CELF2: variants seen among roughly 807,000 people sequenced by gnomAD.
CELF2 encodes the protein CUGBP Elav-like family member 2.
A neutral mutation model predicts 62.6 loss-of-function variants in CELF2; 8 were observed. The ratio of observed to expected loss-of-function variants is 0.13; its 90% CI spans 0.07 to 0.23. The LOEUF is 0.23. Among genes scored for constraint, CELF2 ranks in the 10% least tolerant of loss-of-function variants. CELF2 has a pLI of 1.00. For synonymous variants in CELF2, 258 were observed against 250.0 expected, an observed-to-expected ratio of 1.03 and a Z score of -0.30; for missense variants, 333 against 671.0, an observed-to-expected ratio of 0.50 and a Z score of 5.56.
chr10:10,544,365 A>G, the CELF2 span, among the ~76,000 whole-genome samples: 1 of 152,240 alleles, frequency 6.6e-6, no homozygotes, highest in Admixed American at 6.5e-5. Context: ...ACCACCCGGC[A>G]AGGGTAAGAG....
intron 8 of CELF2, among the ~76,000 whole-genome samples, chr10:11,287,776 G>A (rs1056176346): frequency 1.3e-5 from 2 of 152,190 alleles, no homozygotes; most frequent in African/African-American, 2.4e-5. Context: ...AGCTCTTAAC[G>A]TTGTGCCAAA....
At chr10:11,225,071 G>T (rs1189027103) in intron 3 of CELF2, among the ~76,000 whole-genome samples, 1 of 152,120 alleles carries the variant, frequency 6.6e-6, no homozygotes, top group Non-Finnish European at 1.5e-5. Context: ...CAGGTGCCTG[G>T]GAAGTCTCAT....
rs1396636809 is a variant in CELF2, at chr10:11,227,431, A to G, written c.354+9924A>G. Among the ~76,000 whole-genome samples the G allele has an allele frequency of 6.6e-6, 1 of 152,206 alleles. No individual in the cohort carries two copies. Among genetic ancestry groups the G allele is most frequent in the African/African-American group, 2.4e-5 (1 of 41,450 alleles). On this transcript the variant is annotated intron_variant, in intron 3 of 12. Coordinates refer to ENST00000633077, the MANE Select transcript of CELF2 (RefSeq NM_001326342.2). This position sits in a 1 kb window ranked among gnomAD's most constrained non-coding sequence, Gnocchi z 4.8. ...ATGAGACAGCGCTGCTGCTCTCCGC[A>G]TCACAGCAAAGTCAAGGCAAAGGAG...
intron 4 of CELF2, among the ~76,000 whole-genome samples, chr10:11,253,472 G>A (rs886478755): frequency 6.6e-6 from 1 of 152,174 alleles, no homozygotes; most frequent in Non-Finnish European, 1.5e-5. Context: ...TCTGATTCAC[G>A]GGAAGATGAA....
the CELF2 span, among the ~76,000 whole-genome samples, chr10:10,620,730 CT>C: frequency 1.4e-5 from 2 of 140,484 alleles, no homozygotes; most frequent in African/African-American, 2.7e-5. Flanking sequence ...GTGAAACCCC[CT>C]CTCTACTAAA....
the CELF2 span, among the ~76,000 whole-genome samples, chr10:10,581,001 G>A: frequency 6.6e-6 from 1 of 152,118 alleles, no homozygotes; most frequent in African/African-American, 2.4e-5. Context: ...GATCTATTTG[G>A]ATCACAATTC....
rs191004531 is a variant in CELF2 at position 10,923,597 on chromosome 10, A to G, written c.89+3598A>G. Among the ~76,000 whole-genome samples, 204 of 152,342 alleles carry G rather than the reference A, an allele frequency of 1.3e-3. 1 individual carries two copies. The highest frequency in any genetic ancestry group is 3.5e-3 in the East Asian group (18 of 5,192). Reference sequence around the variant, plus strand: ...TGTTTTTCATTGCTAATGATAACCTAAATGTGTTTTTGAATTCTTGCCATT... The same window carrying G: ...TGTTTTTCATTGCTAATGATAACCTGAATGTGTTTTTGAATTCTTGCCATT... On this transcript the variant is annotated intron_variant, in intron 2 of 13. Transcript: ENST00000636488.
rs769681614 is a variant in CELF2 at position 11,237,806 on chromosome 10, G to C, written c.355-11347G>C. Among the ~76,000 whole-genome samples, 7 of 152,220 alleles carry C rather than the reference G, an allele frequency of 4.6e-5. No individual in the cohort carries two copies. The highest frequency in any genetic ancestry group is 1.0e-4 in the Non-Finnish European group (7 of 68,038). On this transcript the variant is annotated intron_variant, in intron 3 of 12. Coordinates refer to ENST00000633077, the MANE Select transcript of CELF2 (RefSeq NM_001326342.2). This position sits in a 1 kb window ranked among gnomAD's most constrained non-coding sequence, Gnocchi z 4.0. ...GGCAGCGTCACGGCCAGAGACAAAT[G>C]TCACAAGGATGATTTGTTGTTAAAC...
Position 11,029,252 on chromosome 10 carries a change from G to A in CELF2, c.74+11089G>A, listed in dbSNP as rs868506991. Among the ~76,000 whole-genome samples, 28 of 152,316 alleles carry A rather than the reference G, an allele frequency of 1.8e-4. No homozygotes were observed. The Middle Eastern group carries it at 0.01, about 56-fold the overall frequency. On this transcript the variant is annotated intron_variant, in intron 1 of 12. Coordinates refer to ENST00000633077, the MANE Select transcript of CELF2 (RefSeq NM_001326342.2). ...AGCATCTATGTGGTGTCCAGCTGCAGGGTGTGTCCTGGTTATTTTGGTGGT... is the reference window on the plus strand; with the variant it reads ...AGCATCTATGTGGTGTCCAGCTGCAAGGTGTGTCCTGGTTATTTTGGTGGT...
Position 10,848,814 on chromosome 10 carries a change from A to G in CELF2, c.53+49997A>G, listed in dbSNP as rs548088607. Among the ~76,000 whole-genome samples the G allele has an allele frequency of 2.0e-5, 3 of 152,274 alleles. No homozygotes were observed. In the East Asian group the frequency reaches 5.8e-4, roughly 29 times the overall value. On this transcript the variant is annotated intron_variant, in intron 1 of 13. Transcript: ENST00000636488. The stretch of plus-strand genomic sequence containing the variant: ...CCATCTAGAAAACGGAGATTAGACC[A>G]CAGGGTTGTAAGGGGAGTCTGCTAG...
At position 11,328,654 on chromosome 10, in the gene CELF2, A is replaced by AACAATTGAGTCTGAGGTTTCAGTGTTGT. The variant is rs1232364408; in HGVS notation, c.1439-271_1439-244dup. On this transcript the variant is annotated intron_variant, in intron 12 of 12. Transcript: ENST00000633077. This position sits in a 1 kb window ranked among gnomAD's most constrained non-coding sequence, Gnocchi z 6.4. ...CAGTAAGTGGAACTGAATTCAGCCA[A>AACAATTGAGTCTGAGGTTTCAGTGTTGT]ACAATTGAGTCTGAGGTTTCAGTGT... Among the ~76,000 whole-genome samples, 1 of 152,222 alleles carries AACAATTGAGTCTGAGGTTTCAGTGTTGT rather than the reference A, an allele frequency of 6.6e-6. No homozygotes were observed. Among genetic ancestry groups the AACAATTGAGTCTGAGGTTTCAGTGTTGT allele is most frequent in the Non-Finnish European group, 1.5e-5 (1 of 68,040 alleles).
At chr10:10,506,143 G>GAA in the CELF2 span, among the ~76,000 whole-genome samples, 3 of 151,240 alleles carry the variant, frequency 2.0e-5, no homozygotes, top group African/African-American at 7.3e-5. Context: ...GCAAAATGAA[G>GAA]AAAAAAAATT....
At chr10:10,762,560 C>T in the CELF2 span, among the ~76,000 whole-genome samples, 8 of 152,264 alleles carry the variant, frequency 5.3e-5, no homozygotes, top group Non-Finnish European at 1.0e-4. Context: ...TTCAAACTAA[C>T]GCTCGGGAAC....
rs181248597 is a variant in CELF2, at chr10:11,059,232, C to G, written c.74+41069C>G. On this transcript the variant is annotated intron_variant, in intron 1 of 12. Transcript: ENST00000633077. ...ACATGATGCCATTTTAATCAGTCAG[C>G]TGAAATACACATTCTATTCCTTAAT... is the stretch of plus-strand genomic sequence containing the variant. Among the ~76,000 whole-genome samples, 301 of 152,296 alleles carry G rather than the reference C, an allele frequency of 2.0e-3. 1 individual carries two copies. Among genetic ancestry groups the G allele is most frequent in the African/African-American group, 6.7e-3 (279 of 41,564 alleles).
intron 1 of CELF2, among the ~76,000 whole-genome samples, chr10:11,060,817 A>G (rs1035342844): frequency 6.6e-6 from 1 of 152,174 alleles, no homozygotes; most frequent in Non-Finnish European, 1.5e-5. Context: ...TCTGTGATCC[A>G]TGATCTTTGG....
At chr10:10,714,721 CA>C in the CELF2 span, among the ~76,000 whole-genome samples, 1 of 152,078 alleles carries the variant, frequency 6.6e-6, no homozygotes, top group African/African-American at 2.4e-5. Flanking sequence ...ATAACTTCTC[CA>C]AAATGTAAAA....
chr10:10,754,915 A>G, the CELF2 span, among the ~76,000 whole-genome samples: 2 of 152,226 alleles, frequency 1.3e-5, no homozygotes, highest in Admixed American at 1.3e-4. Context: ...GACAATGAGA[A>G]TATGCTTTGT....
chr10:10,955,748 A>G (rs1429562402), intron 2 of CELF2, among the ~76,000 whole-genome samples: 2 of 152,176 alleles, frequency 1.3e-5, no homozygotes, highest in Admixed American at 6.5e-5. Context: ...CACTCCTCTT[A>G]TATACAGCAA....
chr10:11,075,343 A>C lies in CELF2; in HGVS notation c.74+57180A>C, dbSNP rs2141142601. 6.6e-6 allele frequency: 1 copy of C among 152,332 alleles called. No individual in the cohort carries two copies. Among genetic ancestry groups the C allele is most frequent in the South Asian group, 2.1e-4 (1 of 4,826 alleles). 9.4% of individuals were successfully genotyped at this position (152,332 alleles called of 1,614,324 possible). On this transcript the variant is annotated intron_variant, in intron 1 of 12. Transcript: ENST00000633077. The surrounding 1 kb of genome is among the most constrained non-coding windows in gnomAD (Gnocchi z 5.4). Reference sequence around the variant, plus strand: ...TCCCCGCCCCCGTCTCTTCTAAAACAGAAAAAAAGAAAAGGTTAATGTGAG... The same window carrying C: ...TCCCCGCCCCCGTCTCTTCTAAAACCGAAAAAAAGAAAAGGTTAATGTGAG...
Sources: gnomAD v4.1 joint callset for allele counts (sites outside exome capture counted in the v4.1 genomes callset) on GRCh38, gnomAD v4.1.1 for gene constraint, Gnocchi (gnomAD v3.1) non-coding constraint, MANE v1.5 for transcripts, NCBI Gene and HGNC (gene_info 2026-07-23, HGNC 2026-07-21) for gene names.